HACE1: variants seen among roughly 807,000 people sequenced by gnomAD.
The protein encoded by HACE1 is E3 ubiquitin-protein ligase HACE1.
HACE1 carries 73 observed loss-of-function variants against 118.4 expected under a neutral mutation model. The ratio of observed to expected loss-of-function variants is 0.62; its 90% CI spans 0.51 to 0.75. The LOEUF is 0.75. Ranked by LOEUF, HACE1 falls within the 30% of genes least tolerant of loss-of-function variation. The pLI is 0.00. For missense variants in HACE1, 749 were observed against 1,102.2 expected (o/e 0.68, Z 4.54); for synonymous variants, 368 against 374.8 (o/e 0.98, Z 0.21).
intron 4 of HACE1, among the ~76,000 whole-genome samples, chr6:104,845,217 C>T (rs1159161745): frequency 6.6e-6 from 1 of 151,772 alleles, no homozygotes; most frequent in East Asian, 1.9e-4. Flanking sequence ...TATCTTCATA[C>T]CATGGATTAT....
chr6:104,844,645 C>A (rs1463430781), intron 4 of HACE1, among the ~76,000 whole-genome samples: 1 of 151,192 alleles, frequency 6.6e-6, no homozygotes, highest in East Asian at 1.9e-4. Context: ...GCCACTGCAC[C>A]CAGCCTCCAT....
chr6:104,732,054 A>G (rs1040796814), intron 22 of HACE1: 3 of 152,186 alleles, frequency 2.0e-5, no homozygotes, highest in African/African-American at 7.2e-5. Flanking sequence ...TCAAAAAAAC[A>G]AAAGACAGAA....
intron 6 of HACE1, among the ~76,000 whole-genome samples, chr6:104,816,191 A>T (rs370146577): frequency 6.6e-6 from 1 of 152,260 alleles, no homozygotes; most frequent in Non-Finnish European, 1.5e-5. Context: ...AGAAGTGTAC[A>T]TAAGTAACAA....
At chr6:104,832,681 G>T (rs1258903596) in intron 6 of HACE1, among the ~76,000 whole-genome samples, 1 of 151,990 alleles carries the variant, frequency 6.6e-6, no homozygotes, top group South Asian at 2.1e-4. Context: ...GTGAGCCACG[G>T]CTCCCAGCCC....
intron 14 of HACE1, 91 bp downstream of exon 14, chr6:104,783,995 C>T (rs1782052240): frequency 1.3e-6 from 1 of 749,044 alleles, no homozygotes; most frequent in African/African-American, 1.8e-5. Flanking sequence ...AACAGAATGT[C>T]TGAAGTGTAA....
At chr6:104,739,602 A>G (rs1321833523) in intron 22 of HACE1, among the ~76,000 whole-genome samples, 2 of 152,124 alleles carry the variant, frequency 1.3e-5, no homozygotes, top group African/African-American at 4.8e-5. Context: ...GGATCAATTC[A>G]ACAAGAAGAG....
intron 5 of HACE1, among the ~76,000 whole-genome samples, chr6:104,841,729 G>C (rs1410561341): frequency 6.6e-6 from 1 of 151,886 alleles, no homozygotes; most frequent in Non-Finnish European, 1.5e-5. Flanking sequence ...AAAATTAAAA[G>C]ATTCAAAATA....
At chr6:104,790,999 T>C (rs546027327) in intron 11 of HACE1, among the ~76,000 whole-genome samples, 1 of 152,292 alleles carries the variant, frequency 6.6e-6, no homozygotes, top group South Asian at 2.1e-4. Flanking sequence ...ATACAAAATA[T>C]TTTAAGAAAA....
chr6:104,822,097 G>C (rs542144245), intron 6 of HACE1, among the ~76,000 whole-genome samples: 2 of 150,964 alleles, frequency 1.3e-5, no homozygotes, highest in Admixed American at 6.6e-5. Flanking sequence ...GGCCGGGCGC[G>C]GTGGCTCACA....
Position 104,858,429 on chromosome 6 carries a change from G to A in HACE1, c.76+1138C>T, listed in dbSNP as rs547472091. ...AGAAGATTATCCCCAGGCCAGGCGC[G>A]GTGGCTCACATCTGTAATCCCAACA... On this transcript the variant is annotated intron_variant, in intron 1 of 23. Coordinates refer to ENST00000262903, the MANE Select transcript of HACE1 (RefSeq NM_020771.4). The A allele has an allele frequency of 6.0e-5, 20 of 333,746 alleles. No individual in the cohort carries two copies. The Admixed American group carries it at 6.6e-4, about 11-fold the overall frequency. 20.7% of individuals were successfully genotyped at this position (333,746 alleles called of 1,614,324 possible).
chr6:104,831,721 A>G (rs1236037042), intron 6 of HACE1, among the ~76,000 whole-genome samples: 1 of 151,730 alleles, frequency 6.6e-6, no homozygotes, highest in African/African-American at 2.4e-5. Context: ...GTGAAACCCC[A>G]TCTCTACTAA....
chr6:104,850,812 C>T (rs1776127600), intron 3 of HACE1, 95 bp downstream of exon 3: 2 of 846,758 alleles, frequency 2.4e-6, no homozygotes, highest in Admixed American at 1.7e-5. Context: ...TGTCTGTTCT[C>T]ATCTCTCCCC....
chr6:104,736,663 G>A (rs901722285), intron 22 of HACE1, among the ~76,000 whole-genome samples: 5 of 151,914 alleles, frequency 3.3e-5, no homozygotes, highest in African/African-American at 9.7e-5. Flanking sequence ...ATAATTCCTC[G>A]TTTTAGTTAT....
chr6:104,737,052 G>A (rs1441820611), intron 22 of HACE1, among the ~76,000 whole-genome samples: 1 of 151,802 alleles, frequency 6.6e-6, no homozygotes, highest in East Asian at 1.9e-4. Flanking sequence ...GGGAGGCCGA[G>A]GCGGGTGGAT....
At chr6:104,776,894 TAAC>T (rs1781276360) in intron 16 of HACE1, 66 bp from the exon 17 acceptor site, 14 of 1,329,944 alleles carry the variant, frequency 1.1e-5, no homozygotes, top group Middle Eastern at 1.8e-4. Flanking sequence ...TTTTTCTAAA[TAAC>T]AAAATTTAAA....
chr6:104,777,305 G>T lies in HACE1; in HGVS notation c.1579C>A (p.Arg527Ser). 6.2e-7 allele frequency: 1 copy of T among 1,607,938 alleles called. No homozygotes were observed. The highest frequency in any genetic ancestry group is 8.5e-7 in the Non-Finnish European group (1 of 1,174,352). The part of the protein sequence containing the change: ...HIIKAQPFKD[R>S]CEWFYEHLHS... The stretch of plus-strand genomic sequence containing the variant: ...AAATGTTCATAGAACCATTCACAGC[G>T]ATCTTTAAAAGGCTAGCTCAAAAAA... Residue 527 changes from arginine (R) to serine (S), a missense_variant, in exon 15 of 24, where the codon CGC (arginine) becomes AGC (serine). Coordinates refer to ENST00000262903, the MANE Select transcript of HACE1 (RefSeq NM_020771.4).
Position 104,809,870 on chromosome 6 carries a change from AAGAG to A in HACE1, c.617+1437_617+1440del, listed in dbSNP as rs960850102. Among the ~76,000 whole-genome samples, 4 of 151,210 alleles carry A rather than the reference AAGAG, an allele frequency of 2.6e-5. 1 individual carries two copies. The highest frequency in any genetic ancestry group is 7.3e-5 in the African/African-American group (3 of 41,282). On this transcript the variant is annotated intron_variant, in intron 7 of 23. Transcript: ENST00000262903. Reference sequence around the variant, plus strand: ...CTTACTAATAAATTCCAAGTTCACAAAGAGAGAGAGAGAGAAATAAAAAATAACC... The same window carrying A: ...CTTACTAATAAATTCCAAGTTCACAAAGAGAGAGAGAAATAAAAAATAACC...
intron 6 of HACE1, among the ~76,000 whole-genome samples, chr6:104,817,791 C>G (rs1772276138): frequency 1.3e-5 from 2 of 152,200 alleles, no homozygotes; most frequent in South Asian, 4.1e-4. Context: ...CACTACTTGA[C>G]TGAGCAGTAA....
intron 22 of HACE1, among the ~76,000 whole-genome samples, chr6:104,737,418 G>A (rs561199407): frequency 2.0e-4 from 30 of 152,166 alleles, no homozygotes; most frequent in South Asian, 4.1e-4. Flanking sequence ...CTGAGGTACC[G>A]GGTTCATCTC....
Sources: allele counts gnomAD v4.1 joint callset (sites outside exome capture counted in the v4.1 genomes callset), GRCh38; gene constraint gnomAD v4.1.1; transcripts MANE v1.5; gene names NCBI Gene and HGNC (gene_info 2026-07-23, HGNC 2026-07-21).